Variants in VPS13D observed in about 807,000 individuals in gnomAD.
VPS13D encodes intermembrane lipid transfer protein VPS13D.
Under a neutral mutation model 461.9 loss-of-function variants are expected in VPS13D, and 187 were observed. The observed-to-expected ratio is 0.40, with a 90% CI of 0.36 to 0.46. VPS13D has a LOEUF of 0.46. Ranked by LOEUF, VPS13D falls within the 20% of genes least tolerant of loss-of-function variation. The pLI, the probability that VPS13D is intolerant of heterozygous loss-of-function variation, is 0.60. For synonymous variants in VPS13D, 1,951 were observed against 1,986.3 expected (o/e 0.98, Z 0.47); for missense variants, 4,711 against 5,364.9 (o/e 0.88, Z 3.81).
chr1:12,257,152 C>T (rs1013149023), intron 9 of VPS13D, 65 bp downstream of exon 9: 221 of 1,393,886 alleles, frequency 1.6e-4, no homozygotes, highest in Non-Finnish European at 2.2e-4. Context: ...GTACATAGAT[C>T]AGAAATATGC....
chr1:12,321,765 T>TA, intron 32 of VPS13D, 44 bp from the exon 33 acceptor site: 1 of 1,570,076 alleles, frequency 6.4e-7, no homozygotes, highest in Non-Finnish European at 8.6e-7. Context: ...GGACCCTTCC[T>TA]AAATCAGACA....
intron 54 of VPS13D, 69 bp from the exon 55 acceptor site, chr1:12,373,681 A>T (rs1644157312): frequency 1.1e-6 from 1 of 897,362 alleles, no homozygotes; most frequent in Non-Finnish European, 1.5e-6. Flanking sequence ...ACTTGAATAC[A>T]TGTGTGAGTA....
At position 12,244,522 on chromosome 1, in the gene VPS13D, C is replaced by A. The variant is rs760844894; in HGVS notation, c.367-15C>A. ...GAACACTAGATTGAGCTAATGCTGA[C>A]TCTTGTCTTTGTAGAATGACCGCCA... On this transcript the variant is annotated splice_polypyrimidine_tract_variant and intron_variant, in intron 4 of 69. Transcript: ENST00000620676. 3.7e-6 allele frequency: 6 copies of A among 1,614,064 alleles called. No homozygotes were observed. Among genetic ancestry groups the A allele is most frequent in the Non-Finnish European group, 4.2e-6 (5 of 1,179,922 alleles).
rs532062902 is a variant in VPS13D, at chr1:12,341,767, C to T, written c.8627-13C>T. The stretch of plus-strand genomic sequence containing the variant: ...AGGGGCGTCTGCTCATAGCCTTCTT[C>T]TGTTTGTCGTAGCAGAGGTGAAAAC... On this transcript the variant is annotated splice_polypyrimidine_tract_variant and intron_variant, in intron 40 of 69. Transcript: ENST00000620676. 1.2e-6 allele frequency: 2 copies of T among 1,612,948 alleles called. No homozygotes were observed. The highest frequency in any genetic ancestry group is 2.7e-5 in the African/African-American group (2 of 75,016).
At chr1:12,304,373 T>G in intron 25 of VPS13D, 133 bp from the exon 26 acceptor site, 2 of 751,340 alleles carry the variant, frequency 2.7e-6, no homozygotes, top group Non-Finnish European at 4.2e-6. Flanking sequence ...CTGAGGGAAG[T>G]ATAAGTATTA....
chr1:12,234,461 T>G lies in VPS13D; in HGVS notation c.97+98T>G, dbSNP rs1640084270. ...AGAATCATAAAACCTAATGCCCAGA[T>G]GGCTTTGTACTAAATGTATGTAAAA... On this transcript the variant is annotated intron_variant, in intron 2 of 69. Coordinates refer to ENST00000620676, the MANE Select transcript of VPS13D (RefSeq NM_015378.4). The G allele has an allele frequency of 3.1e-6, 3 of 970,054 alleles. No individual in the cohort carries two copies. The South Asian group carries it at 4.7e-5, about 15-fold the overall frequency. The allele number at this position is 970,054 out of a possible 1,614,324, so 60.1% of individuals were successfully genotyped here.
chr1:12,303,823 T>C (rs1026213599), intron 25 of VPS13D, among the ~76,000 whole-genome samples: 4 of 152,250 alleles, frequency 2.6e-5, no homozygotes, highest in African/African-American at 9.6e-5. Context: ...AAGTCAATTA[T>C]TGAATTGTTC....
chr1:12,377,614 G>A (rs952964105), intron 55 of VPS13D, among the ~76,000 whole-genome samples: 1 of 151,714 alleles, frequency 6.6e-6, no homozygotes, highest in African/African-American at 2.4e-5. Flanking sequence ...GAGGGCAGGA[G>A]TTTGAGACCA....
chr1:12,266,418 G>T (rs1251640271), intron 13 of VPS13D, among the ~76,000 whole-genome samples: 1 of 152,194 alleles, frequency 6.6e-6, no homozygotes, highest in South Asian at 2.1e-4. Flanking sequence ...CAACACTTCA[G>T]CAACCACGCC....
chr1:12,503,620 G>A (rs1646063845), intron 68 of VPS13D, among the ~76,000 whole-genome samples: 1 of 152,214 alleles, frequency 6.6e-6, no homozygotes, highest in Non-Finnish European at 1.5e-5. Context: ...GTCTCAGATT[G>A]GAAGGATAAA....
chr1:12,271,273 A>G (rs568393485), intron 17 of VPS13D, 149 bp downstream of exon 17: 167 of 1,029,824 alleles, frequency 1.6e-4, no homozygotes, highest in Non-Finnish European at 2.1e-4. Context: ...CAGCTAGCAT[A>G]GAATAGAATC....
chr1:12,314,076 G>T, intron 29 of VPS13D, 39 bp from the exon 30 acceptor site: 1 of 1,578,852 alleles, frequency 6.3e-7, no homozygotes, highest in African/African-American at 1.3e-5. Flanking sequence ...TGGAAGAGTT[G>T]TGTTTCACAT....
At chr1:12,487,277 T>G (rs774335629) in intron 67 of VPS13D, among the ~76,000 whole-genome samples, 22 of 152,136 alleles carry the variant, frequency 1.4e-4, no homozygotes, top group Non-Finnish European at 2.9e-5. Flanking sequence ...GAAGGAGATT[T>G]AAAACCTCCA....
At chr1:12,260,583 A>C (rs1641075473) in intron 10 of VPS13D, 110 bp from the exon 11 acceptor site, 2 of 822,098 alleles carry the variant, frequency 2.4e-6, no homozygotes, top group Non-Finnish European at 4.1e-6. Flanking sequence ...AATGCAGGGG[A>C]CCAGAGAGGT....
At chr1:12,254,266 C>G (rs1210994428) in intron 7 of VPS13D, among the ~76,000 whole-genome samples, 1 of 152,110 alleles carries the variant, frequency 6.6e-6, no homozygotes, top group Non-Finnish European at 1.5e-5. Context: ...GTCTCAAACT[C>G]TTGTGCTCAA....
rs766344524 is a variant in VPS13D, at chr1:12,378,465, G to A, written c.10955G>A (p.Gly3652Glu). The change falls in exon 56 of 70, where the codon GGA (glycine) becomes GAA (glutamate). Residue 3652 changes from glycine to glutamate, a missense_variant. Gly to Glu is a moderately conservative substitution (Grantham distance 98). Around this residue, in one of 3 missense-constraint regions of VPS13D, gnomAD observed 4,411 missense variants for 4,937.8 expected, o/e 0.89. Coordinates refer to ENST00000620676, the MANE Select transcript of VPS13D (RefSeq NM_015378.4). ...CGTTCTCAGCTGTGGAGGATGACAG[G>A]AACAGGAATGCTGGCCCATGAGGGC... ...GKRSQLWRMT[G>E]TGMLAHEGSS... is the part of the protein sequence containing the mutation. The A allele has an allele frequency of 3.7e-6, 6 of 1,611,532 alleles. No individual in the cohort carries two copies. The South Asian group carries it at 5.5e-5, about 15-fold the overall frequency.
Position 12,415,203 on chromosome 1 carries a change from C to A in VPS13D, c.12147C>A (p.Ile4049=). 6.2e-7 allele frequency: 1 copy of A among 1,614,080 alleles called. No individual in the cohort carries two copies. The highest frequency in any genetic ancestry group is 8.5e-7 in the Non-Finnish European group (1 of 1,180,000). ...CCAAGGAGTTCATCATCAATGATAT[C>A]CTCAAACATTTCCAGGAGGTGAGGC... ...YETKEFIIND[I]LKHFQEELLS... Residue 4049 remains isoleucine (I), a synonymous_variant, in exon 64 of 70, where the codon ATC becomes ATA. Coordinates refer to ENST00000620676, the MANE Select transcript of VPS13D (RefSeq NM_015378.4).
At chr1:12,358,882 T>C (rs1047464557) in intron 50 of VPS13D, among the ~76,000 whole-genome samples, 5 of 152,196 alleles carry the variant, frequency 3.3e-5, no homozygotes, top group African/African-American at 1.2e-4. Flanking sequence ...GCTTGAATCC[T>C]TGTTTTTCGG....
At chr1:12,280,518 T>G (rs2101374906) in intron 20 of VPS13D, among the ~76,000 whole-genome samples, 1 of 151,524 alleles carries the variant, frequency 6.6e-6, no homozygotes, top group African/African-American at 2.4e-5. Context: ...TTTTTTTTTT[T>G]GAGACGGAGT....
Sources: allele counts gnomAD v4.1 joint callset (sites outside exome capture counted in the v4.1 genomes callset), GRCh38; gene constraint gnomAD v4.1.1; regional missense constraint gnomAD v4.1.1; transcripts MANE v1.5; gene names NCBI Gene and HGNC (gene_info 2026-07-23, HGNC 2026-07-21).